Variants in MBD5 observed in about 807,000 individuals in gnomAD.
MBD5 encodes methyl-CpG-binding domain protein 5.
In MBD5, 13 loss-of-function variants were observed where a neutral mutation model predicts 117.3. That is an observed-to-expected ratio of 0.11 (90% CI 0.07 to 0.18). The LOEUF is 0.18. Among genes scored for constraint, MBD5 ranks in the 10% least tolerant of loss-of-function variants. MBD5 has a pLI of 1.00. For missense variants in MBD5, 1,879 were observed against 2,093.8 expected (o/e 0.90, Z 2.00); for synonymous variants, 727 against 766.4 (o/e 0.95, Z 0.85).
rs191414384 is a variant in MBD5, at chr2:148,325,784, C to G, written c.-679-16430C>G. ...AATTTTGTTGATCCTTTAAAAAAAC[C>G]AGCTCCTGGATTCGTTAATTTTTTG... On this transcript the variant is annotated intron_variant, in intron 3 of 13. Transcript: ENST00000642680. Among the ~76,000 whole-genome samples the G allele has an allele frequency of 4.3e-4, 66 of 152,072 alleles. 1 individual carries two copies. In the East Asian group the frequency reaches 0.012, roughly 28 times the overall value.
chr2:148,030,985 T>C (rs1242105351), intron 1 of MBD5, among the ~76,000 whole-genome samples: 1 of 152,150 alleles, frequency 6.6e-6, no homozygotes, highest in African/African-American at 2.4e-5. Flanking sequence ...AAAAATGCAC[T>C]TCTCACTGTC....
chr2:148,180,946 A>G (rs190615023), intron 2 of MBD5, among the ~76,000 whole-genome samples: 109 of 152,308 alleles, frequency 7.2e-4, no homozygotes, highest in Admixed American at 7.1e-3. Flanking sequence ...GCATGCATAC[A>G]TTTTAAAATT....
At chr2:148,343,024 G>C (rs1364966801) in intron 4 of MBD5, among the ~76,000 whole-genome samples, 1 of 152,006 alleles carries the variant, frequency 6.6e-6, no homozygotes, top group Non-Finnish European at 1.5e-5. Flanking sequence ...GAGAACATGC[G>C]ATATTTGGTT....
At chr2:148,432,257 T>C (rs1706013281) in intron 4 of MBD5, among the ~76,000 whole-genome samples, 1 of 152,156 alleles carries the variant, frequency 6.6e-6, no homozygotes, top group East Asian at 1.9e-4. Flanking sequence ...TTATAGATTC[T>C]GGATATTAGA....
intron 4 of MBD5, among the ~76,000 whole-genome samples, chr2:148,343,304 TG>T (rs1409809682): frequency 6.6e-6 from 1 of 152,114 alleles, no homozygotes; most frequent in South Asian, 2.1e-4. Context: ...ATGTGATTAC[TG>T]GGTTGAATGG....
chr2:148,383,507 A>G (rs1704228198), intron 4 of MBD5, among the ~76,000 whole-genome samples: 1 of 152,220 alleles, frequency 6.6e-6, no homozygotes, highest in South Asian at 2.1e-4. Flanking sequence ...ATGGATTCAC[A>G]GTCGAATTCT....
chr2:148,285,113 A>C (rs1869341), intron 3 of MBD5, among the ~76,000 whole-genome samples: 42,322 of 152,192 alleles, frequency 0.28, 6,560 homozygotes, highest in Admixed American at 0.37. Flanking sequence ...AAAAAGAAAA[A>C]TAAATACTAA....
At chr2:148,449,912 GA>G (rs1310392614) in intron 4 of MBD5, among the ~76,000 whole-genome samples, 10 of 151,836 alleles carry the variant, frequency 6.6e-5, no homozygotes, top group Non-Finnish European at 1.3e-4. Context: ...AGAAAAATTT[GA>G]AAATCCAAAA....
chr2:148,326,499 G>A (rs1574290585), intron 3 of MBD5, among the ~76,000 whole-genome samples: 2 of 152,230 alleles, frequency 1.3e-5, no homozygotes, highest in African/African-American at 4.8e-5. Context: ...CTCAGGACTT[G>A]CTTTATGAAT....
At chr2:148,393,279 C>G (rs1448506719) in intron 4 of MBD5, 2 of 151,942 alleles carry the variant, frequency 1.3e-5, no homozygotes, top group Non-Finnish European at 2.9e-5. Flanking sequence ...AAATTTATGC[C>G]CACCCAATCT....
At chr2:148,491,423 T>TC (rs1279291616) in intron 11 of MBD5, among the ~76,000 whole-genome samples, 1 of 151,854 alleles carries the variant, frequency 6.6e-6, no homozygotes, top group East Asian at 1.9e-4. Flanking sequence ...TTATGCACAT[T>TC]CCCCCATATG....
chr2:148,389,883 T>G (rs1021156972), intron 4 of MBD5, among the ~76,000 whole-genome samples: 1 of 152,196 alleles, frequency 6.6e-6, no homozygotes, highest in African/African-American at 2.4e-5. Context: ...TTCTGTAGGT[T>G]GTCTCTTTGT....
At chr2:148,293,023 A>G (rs940468594) in intron 3 of MBD5, among the ~76,000 whole-genome samples, 1 of 152,072 alleles carries the variant, frequency 6.6e-6, no homozygotes, top group African/African-American at 2.4e-5. Flanking sequence ...ATTAAACAAA[A>G]CAATTGGCCA....
intron 4 of MBD5, among the ~76,000 whole-genome samples, chr2:148,378,792 A>G (rs1208964133): frequency 1.3e-5 from 2 of 152,080 alleles, no homozygotes; most frequent in African/African-American, 2.4e-5. Context: ...ATATGTAGGA[A>G]AAATGCATAT....
intron 4 of MBD5, among the ~76,000 whole-genome samples, chr2:148,409,393 A>AAAAG (rs200926665): frequency 7.1e-4 from 106 of 150,022 alleles, no homozygotes; most frequent in South Asian, 2.1e-3. Context: ...TCTCAAAAAA[A>AAAAG]AAAGAAAGAA....
At chr2:148,455,472 C>G (rs935363406) in intron 4 of MBD5, among the ~76,000 whole-genome samples, 1 of 152,086 alleles carries the variant, frequency 6.6e-6, no homozygotes, top group Non-Finnish European at 1.5e-5. Context: ...TAGATTGTCC[C>G]TAGAGTTTCT....
intron 4 of MBD5, among the ~76,000 whole-genome samples, chr2:148,382,478 T>A (rs1296842849): frequency 6.6e-6 from 1 of 151,982 alleles, no homozygotes; most frequent in Non-Finnish European, 1.5e-5. Flanking sequence ...ACCTACAAAG[T>A]GACTTAGACT....
intron 8 of MBD5, among the ~76,000 whole-genome samples, chr2:148,479,023 T>C (rs1462253547): frequency 6.6e-6 from 1 of 152,234 alleles, no homozygotes; most frequent in African/African-American, 2.4e-5. Flanking sequence ...TGTGCAGAAC[T>C]ATGAAATACG....
At chr2:148,466,660 C>A (rs1707269921) in intron 7 of MBD5, among the ~76,000 whole-genome samples, 1 of 152,084 alleles carries the variant, frequency 6.6e-6, no homozygotes, top group Non-Finnish European at 1.5e-5. Context: ...TTAAAAATCT[C>A]TTTTTAACAA....
Sources: allele counts gnomAD v4.1 joint callset (sites outside exome capture counted in the v4.1 genomes callset), GRCh38; gene constraint gnomAD v4.1.1; transcripts MANE v1.5; gene names NCBI Gene and HGNC (gene_info 2026-07-23, HGNC 2026-07-21).